KIF26B: variants seen among roughly 807,000 people sequenced by gnomAD.
KIF26B encodes the protein kinesin-like protein KIF26B.
A neutral mutation model predicts 151.2 loss-of-function variants in KIF26B; 63 were observed. The observed-to-expected ratio is 0.42, with a 90% CI of 0.34 to 0.51. The LOEUF (loss-of-function observed/expected upper bound fraction) is 0.51. KIF26B is among the 20% of genes least tolerant of loss of function. KIF26B has a pLI of 0.07. For missense variants in KIF26B, 2,813 were observed against 2,913.6 expected, an observed-to-expected ratio of 0.97 and a Z score of 0.79; for synonymous variants, 1,357 against 1,262.1, an observed-to-expected ratio of 1.08 and a Z score of -1.59.
At chr1:245,331,088 C>T (rs190395991) in intron 2 of KIF26B, among the ~76,000 whole-genome samples, 1 of 152,028 alleles carries the variant, frequency 6.6e-6, no homozygotes, top group East Asian at 1.9e-4. Flanking sequence ...AACGCAGCCG[C>T]GGCAGGGGGC....
intron 4 of KIF26B, among the ~76,000 whole-genome samples, chr1:245,519,709 T>G (rs1661046075): frequency 6.6e-6 from 1 of 152,192 alleles, no homozygotes; most frequent in South Asian, 2.1e-4. Flanking sequence ...CCTACACACC[T>G]AGGCTAGAGG....
intron 9 of KIF26B, among the ~76,000 whole-genome samples, chr1:245,639,405 CAA>C (rs1436035989): frequency 1.2e-4 from 18 of 151,388 alleles, no homozygotes; most frequent in African/African-American, 4.1e-4. Context: ...TGTTGCTTTT[CAA>C]AAAAACAAAC....
chr1:245,359,700 C>G (rs71636543), intron 2 of KIF26B, among the ~76,000 whole-genome samples: 1 of 149,088 alleles, frequency 6.7e-6, no homozygotes, highest in East Asian at 2.0e-4. Flanking sequence ...TCCCTTCCCT[C>G]CTTCCCTCCC....
rs1312109927 is a variant in KIF26B at position 245,685,555 on chromosome 1, A to G, written c.2572A>G (p.Ser858Gly). The change falls in exon 12 of 15, where the codon AGC becomes GGC. Residue 858 changes from serine (S) to glycine (G), a missense_variant. By Grantham distance (56) the Ser-to-Gly change is moderately conservative. This residue lies in a region of KIF26B where 2,060 missense variants were observed against 2,088.6 expected (regional missense o/e 0.99). Transcript: ENST00000407071. ...LSSDPDYSSS[S>G]EQSCDTVIYI... ...CAGCGACCCCGACTACTCCTCCAGC[A>G]GCGAGCAGTCCTGCGACACCGTCAT... 1.2e-6 allele frequency: 2 copies of G among 1,613,716 alleles called. No individual in the cohort carries two copies. Among genetic ancestry groups the G allele is most frequent in the East Asian group, 4.5e-5 (2 of 44,840 alleles).
chr1:245,266,781 A>G (rs748628825), intron 2 of KIF26B, among the ~76,000 whole-genome samples: 2 of 152,196 alleles, frequency 1.3e-5, no homozygotes, highest in Non-Finnish European at 2.9e-5. Flanking sequence ...CTGGGATTAC[A>G]GATGTGAGCC....
chr1:245,515,519 T>A (rs1395718309), intron 4 of KIF26B, among the ~76,000 whole-genome samples: 2 of 152,310 alleles, frequency 1.3e-5, no homozygotes, highest in Admixed American at 1.3e-4. Flanking sequence ...AATGAAATAA[T>A]GTGTGTGGAA....
At chr1:245,171,020 T>G (rs968512241) in intron 2 of KIF26B, among the ~76,000 whole-genome samples, 39 of 152,370 alleles carry the variant, frequency 2.6e-4, no homozygotes, top group African/African-American at 8.9e-4. Flanking sequence ...AATCTCCCTT[T>G]AAAGGCTTTG....
chr1:245,655,236 C>T (rs1396915633), intron 10 of KIF26B, among the ~76,000 whole-genome samples: 2 of 152,216 alleles, frequency 1.3e-5, no homozygotes, highest in Non-Finnish European at 2.9e-5. Flanking sequence ...ATTCTTACTC[C>T]TCGTCCACCT....
chr1:245,335,208 G>A (rs1451588634), intron 2 of KIF26B, among the ~76,000 whole-genome samples: 2 of 152,134 alleles, frequency 1.3e-5, no homozygotes, highest in South Asian at 2.1e-4. Context: ...GAGGCATCAC[G>A]GACCCCAGAT....
At chr1:245,351,012 TC>T (rs1672557096) in intron 2 of KIF26B, among the ~76,000 whole-genome samples, 1 of 152,170 alleles carries the variant, frequency 6.6e-6, no homozygotes, top group Admixed American at 6.5e-5. Context: ...AGGAATTGAC[TC>T]CTCACATGTA....
chr1:245,480,585 C>T (rs1398973332), intron 4 of KIF26B, among the ~76,000 whole-genome samples: 2 of 151,596 alleles, frequency 1.3e-5, no homozygotes. Context: ...AAGTGTTGCA[C>T]TAATGCTTTC....
chr1:245,393,555 G>A (rs12141949), intron 3 of KIF26B, among the ~76,000 whole-genome samples: 26,174 of 152,066 alleles, frequency 0.17, 3,872 homozygotes, highest in African/African-American at 0.4. Flanking sequence ...GGAGTGAGAC[G>A]CAGAATAACT....
rs1233068967 is a variant in KIF26B at position 245,358,425 on chromosome 1, CAGG to C, written c.466-8406_466-8404del. Among the ~76,000 whole-genome samples the C allele has an allele frequency of 3.3e-5, 5 of 152,122 alleles. No homozygotes were observed. Among genetic ancestry groups the C allele is most frequent in the African/African-American group, 9.7e-5 (4 of 41,424 alleles). On this transcript the variant is annotated intron_variant, in intron 2 of 14. Transcript: ENST00000407071. This position sits in a 1 kb window ranked among gnomAD's most constrained non-coding sequence, Gnocchi z 4.1. ...GTCCCAGCTACTCGGGAGGCTGAGG[CAGG>C]AGAATGGTGTGAACCTGGGAGGCCG... is the stretch of plus-strand genomic sequence containing the variant.
In KIF26B at chr1:245,516,689, C is replaced by G. The variant is rs1012717150; in HGVS notation, c.1167-24078C>G. Among the ~76,000 whole-genome samples the G allele has an allele frequency of 7.9e-5, 12 of 152,096 alleles. No individual in the cohort carries two copies. The highest frequency in any genetic ancestry group is 2.9e-4 in the African/African-American group (12 of 41,410). ...GGCCTGTCTGTGCCTATTGGCTGCTCTAAAGGGAAGTTGAGGAATACTGCA... is the reference window on the plus strand; with the variant it reads ...GGCCTGTCTGTGCCTATTGGCTGCTGTAAAGGGAAGTTGAGGAATACTGCA... On this transcript the variant is annotated intron_variant, in intron 4 of 14. Coordinates refer to ENST00000407071, the MANE Select transcript of KIF26B (RefSeq NM_018012.4). This position sits in a 1 kb window ranked among gnomAD's most constrained non-coding sequence, Gnocchi z 4.2.
intron 2 of KIF26B, among the ~76,000 whole-genome samples, chr1:245,312,662 G>A (rs180981233): frequency 6.6e-6 from 1 of 152,136 alleles, no homozygotes; most frequent in East Asian, 1.9e-4. Context: ...CCCTTTTTAT[G>A]GAAAAAAGTA....
At chr1:245,644,727 C>A (rs2043928531) in intron 9 of KIF26B, among the ~76,000 whole-genome samples, 1 of 152,146 alleles carries the variant, frequency 6.6e-6, no homozygotes, top group Non-Finnish European at 1.5e-5. Flanking sequence ...CTATTCCTGG[C>A]TTTGTGTGAG....
In KIF26B at chr1:245,352,166, A is replaced by G. The variant is rs1337408833; in HGVS notation, c.466-14668A>G. ...TGTTTCTCAAATATTCTCAAATTGT[A>G]TTGAAACCTGTAACCAAAACCAAAG... On this transcript the variant is annotated intron_variant, in intron 2 of 14. Coordinates refer to ENST00000407071, the MANE Select transcript of KIF26B (RefSeq NM_018012.4). This position sits in a 1 kb window ranked among gnomAD's most constrained non-coding sequence, Gnocchi z 5.0. 1.3e-5 allele frequency among the ~76,000 whole-genome samples: 2 copies of G among 152,228 alleles called. No homozygotes were observed. The highest frequency in any genetic ancestry group is 4.8e-5 in the African/African-American group (2 of 41,460).
At chr1:245,326,159 A>G (rs1164616205) in intron 2 of KIF26B, among the ~76,000 whole-genome samples, 1 of 152,192 alleles carries the variant, frequency 6.6e-6, no homozygotes, top group Non-Finnish European at 1.5e-5. Flanking sequence ...CACAGCGCAC[A>G]CTGAGCACCG....
At chr1:245,258,070 G>T (rs186517194) in intron 2 of KIF26B, among the ~76,000 whole-genome samples, 1 of 152,204 alleles carries the variant, frequency 6.6e-6, no homozygotes, top group Non-Finnish European at 1.5e-5. Context: ...CACATTCTCC[G>T]GTGGTGAGTT....
Sources: allele counts gnomAD v4.1 joint callset (sites outside exome capture counted in the v4.1 genomes callset), GRCh38; gene constraint gnomAD v4.1.1; regional missense constraint gnomAD v4.1.1; non-coding constraint Gnocchi (gnomAD v3.1); transcripts MANE v1.5; gene names NCBI Gene and HGNC (gene_info 2026-07-23, HGNC 2026-07-21).